ERICH2: variants seen among roughly 807,000 people sequenced by gnomAD.
The protein encoded by ERICH2 is glutamate-rich protein 2.
ERICH2 carries 17 observed loss-of-function variants against 17.4 expected under a neutral mutation model. The ratio of observed to expected loss-of-function variants is 0.98; its 90% CI spans 0.67 to 1.47. The LOEUF is 1.47. Ranked by LOEUF, ERICH2 falls within the 40% of genes most tolerant of loss-of-function variation. ERICH2 has a pLI of 0.00. For synonymous variants in ERICH2, 51 were observed against 61.1 expected (o/e 0.83, Z 0.77); for missense variants, 186 against 183.2 (o/e 1.01, Z -0.09).
Position 170,784,834 on chromosome 2 carries a change from G to A in ERICH2, c.216+1G>A, listed in dbSNP as rs1701118686. ...GGCCCCACTAGAGTTAATGGCAGAA[G>A]TAAGTTTTACTTGTGCATATAATTG... On this transcript the variant is annotated splice_donor_variant, in intron 2 of 4. Coordinates refer to ENST00000409885, the Ensembl canonical transcript of ERICH2. LOFTEE classifies it high-confidence loss of function. The A allele has an allele frequency of 6.9e-7, 1 of 1,454,850 alleles. No homozygotes were observed. Among genetic ancestry groups the A allele is most frequent in the East Asian group, 2.6e-5 (1 of 38,946 alleles). The allele number at this position is 1,454,850 out of a possible 1,614,324, so 90.1% of individuals were successfully genotyped here. A position where few individuals can be genotyped will look rare whatever the true frequency, so the allele number is the denominator to read the frequency against.
At chr2:170,796,452 T>TTTTTTTTC (rs373654461) in intron 3 of ERICH2, among the ~76,000 whole-genome samples, 1 of 138,330 alleles carries the variant, frequency 7.2e-6, no homozygotes, top group South Asian at 2.4e-4. Flanking sequence ...TTTTTTTTTT[T>TTTTTTTTC]TGAGACAGCG....
chr2:170,770,506 GACCC>G, the ERICH2 span, among the ~76,000 whole-genome samples: 1 of 152,074 alleles, frequency 6.6e-6, no homozygotes, highest in Non-Finnish European at 1.5e-5. Flanking sequence ...TCCCCCCGGA[GACCC>G]ATAATCTTCT....
chr2:170,795,794 A>T (rs958765416), intron 3 of ERICH2, among the ~76,000 whole-genome samples: 2 of 152,196 alleles, frequency 1.3e-5, no homozygotes, highest in African/African-American at 4.8e-5. Context: ...CCTGCAGCTC[A>T]GTCTCTTTAG....
chr2:170,776,761 A>G, the ERICH2 span, among the ~76,000 whole-genome samples: 1 of 142,252 alleles, frequency 7.0e-6, no homozygotes, highest in African/African-American at 2.5e-5. Context: ...ATAACAGAGA[A>G]TTTCTTTTTT....
chr2:170,776,402 G>C, the ERICH2 span, among the ~76,000 whole-genome samples: 2 of 152,302 alleles, frequency 1.3e-5, no homozygotes, highest in South Asian at 4.1e-4. Flanking sequence ...TTTTGAGACA[G>C]AGTCTCGCTC....
exon 5 of ERICH2, chr2:170,798,788 A>C (rs1315916089): frequency 1.5e-5 from 23 of 1,550,554 alleles, no homozygotes; most frequent in Non-Finnish European, 2.0e-5. Context: ...CAGAATCATG[A>C]GCAAGACGGT....
At chr2:170,796,428 G>GTTTTTTTTT (rs869301301) in intron 3 of ERICH2, among the ~76,000 whole-genome samples, 17 of 114,330 alleles carry the variant, frequency 1.5e-4, no homozygotes, top group Admixed American at 8.3e-4. Flanking sequence ...CTCTCTCTTT[G>GTTTTTTTTT]TTTTTTTTTT....
intron 3 of ERICH2, among the ~76,000 whole-genome samples, chr2:170,795,495 G>A (rs960548183): frequency 2.6e-5 from 4 of 152,088 alleles, no homozygotes; most frequent in Non-Finnish European, 5.9e-5. Flanking sequence ...CTGTGGACAC[G>A]TAAAACCATG....
At chr2:170,779,991 G>C (rs1017749695), upstream of ERICH2, 2 of 311,256 alleles carry the variant, frequency 6.4e-6, no homozygotes, top group Non-Finnish European at 9.4e-6. Context: ...TATTTCAGTA[G>C]AAGTTTTGGG....
chr2:170,777,892 A>G, the ERICH2 span: 3 of 391,258 alleles, frequency 7.7e-6, no homozygotes, highest in East Asian at 7.3e-5. Context: ...ATGCAGAAGT[A>G]TAGATAATAT....
chr2:170,783,691 GCTAA>G (rs1163978156), upstream of ERICH2: 77 of 1,189,374 alleles, frequency 6.5e-5, no homozygotes, highest in Non-Finnish European at 8.5e-5. Context: ...CTCTCATGCT[GCTAA>G]CTGTTTGTGA....
At chr2:170,798,830 G>T in exon 5 of ERICH2, 5 of 1,550,698 alleles carry the variant, frequency 3.2e-6, no homozygotes, top group Non-Finnish European at 4.4e-6. Flanking sequence ...AGTGGTGAGA[G>T]TAAAGGAGAA....
At chr2:170,795,213 A>G (rs897792068) in intron 3 of ERICH2, among the ~76,000 whole-genome samples, 1 of 152,226 alleles carries the variant, frequency 6.6e-6, no homozygotes, top group Non-Finnish European at 1.5e-5. Context: ...GCTAGGCTCA[A>G]GTGATCTGTC....
At chr2:170,770,506 G>A in the ERICH2 span, among the ~76,000 whole-genome samples, 4 of 152,192 alleles carry the variant, frequency 2.6e-5, no homozygotes, top group African/African-American at 9.6e-5. Context: ...TCCCCCCGGA[G>A]ACCCATAATC....
At chr2:170,781,125 C>T (rs576417047), upstream of ERICH2, among the ~76,000 whole-genome samples, 48 of 152,200 alleles carry the variant, frequency 3.2e-4, no homozygotes, top group African/African-American at 1.2e-3. Flanking sequence ...ATGTAACAAC[C>T]TGGTCAACCT....
chr2:170,773,853 G>GT, the ERICH2 span, among the ~76,000 whole-genome samples: 1 of 152,060 alleles, frequency 6.6e-6, no homozygotes, highest in South Asian at 2.1e-4. Context: ...AGCCTCTTGA[G>GT]TAGCTGAGAC....
chr2:170,782,311 A>C, upstream of ERICH2: 1 of 964,710 alleles, frequency 1.0e-6, no homozygotes. Flanking sequence ...AGTATCTTCA[A>C]GGAGTATCGA....
At chr2:170,787,360 C>T (rs1428548072) in intron 2 of ERICH2, among the ~76,000 whole-genome samples, 1 of 152,180 alleles carries the variant, frequency 6.6e-6, no homozygotes, top group Non-Finnish European at 1.5e-5. Context: ...GCAGGTATCT[C>T]TTTGACCCTT....
At chr2:170,777,745 T>C in the ERICH2 span, 5 of 1,050,498 alleles carry the variant, frequency 4.8e-6, no homozygotes, top group African/African-American at 8.2e-5. Context: ...TAGAACTAGA[T>C]AATGCAGCCA....
Sources: allele counts gnomAD v4.1 joint callset (sites outside exome capture counted in the v4.1 genomes callset), GRCh38; gene constraint gnomAD v4.1.1; transcripts MANE v1.5; gene names NCBI Gene and HGNC (gene_info 2026-07-23, HGNC 2026-07-21).